Variants in PDE11A observed in about 807,000 individuals in gnomAD.
The protein encoded by PDE11A is phosphodiesterase 11A.
A neutral mutation model predicts 100.5 loss-of-function variants in PDE11A; 100 were observed. The observed-to-expected ratio is 1.00, with a 90% CI of 0.85 to 1.18. The LOEUF is 1.18. Among genes scored for constraint, PDE11A ranks in the 50% most tolerant of loss-of-function variants. The pLI is 0.00. For missense variants in PDE11A, 1,141 were observed against 1,152.6 expected, an observed-to-expected ratio of 0.99 and a Z score of 0.15; for synonymous variants, 381 against 420.8, an observed-to-expected ratio of 0.91 and a Z score of 1.16.
Position 177,711,869 on chromosome 2 carries a change from AC to A in PDE11A, c.2052del (p.Gln686LysfsTer4). ...TCCACCTCGGTCAGAATGTCTTGAA[AC>A]CCAGCAGTCTGGGAAGAAGGGGAAA... ...QLMFAMLTTAGFQDILTEVEI... is the reference protein window; with the variant it reads ...QLMFAMLTTAXFQDILTEVEI... On this transcript the variant is annotated frameshift_variant, in exon 13 of 20. Coordinates refer to ENST00000286063, the MANE Select transcript of PDE11A (RefSeq NM_016953.4). LOFTEE classifies it high-confidence loss of function. 6.2e-7 allele frequency: 1 copy of A among 1,600,232 alleles called. No homozygotes were observed.
chr2:177,666,727 C>T (rs1185038947), intron 18 of PDE11A, among the ~76,000 whole-genome samples: 1 of 56,804 alleles, frequency 1.8e-5, no homozygotes, highest in Non-Finnish European at 4.4e-5. Context: ...AGATCCTTTG[C>T]CTATCTTTTA....
chr2:177,902,129 G>C (rs1343088730), intron 3 of PDE11A, among the ~76,000 whole-genome samples: 2 of 152,168 alleles, frequency 1.3e-5, no homozygotes, highest in African/African-American at 4.8e-5. Flanking sequence ...CATCCAGATG[G>C]TCTGAAGCAA....
chr2:177,667,055 T>C (rs2105483828), intron 18 of PDE11A, among the ~76,000 whole-genome samples: 1 of 152,026 alleles, frequency 6.6e-6, no homozygotes, highest in East Asian at 1.9e-4. Flanking sequence ...GTAGCTGGGG[T>C]TACAGGTGCT....
At chr2:178,043,672 T>C (rs1026321495) in intron 1 of PDE11A, among the ~76,000 whole-genome samples, 7 of 152,320 alleles carry the variant, frequency 4.6e-5, no homozygotes, top group African/African-American at 1.4e-4. Context: ...ACCAGGAGCC[T>C]ACCATATAAC....
intron 6 of PDE11A, among the ~76,000 whole-genome samples, chr2:177,827,154 T>C (rs1003998862): frequency 6.6e-6 from 1 of 152,208 alleles, no homozygotes; most frequent in Non-Finnish European, 1.5e-5. Flanking sequence ...CCCATTATCC[T>C]TAAGTGCTAC....
intron 10 of PDE11A, among the ~76,000 whole-genome samples, chr2:177,729,961 A>G (rs1048413560): frequency 3.3e-5 from 5 of 152,156 alleles, no homozygotes; most frequent in Admixed American, 2.6e-4. Flanking sequence ...TAGCTATAAT[A>G]AATTATTAAG....
chr2:177,729,619 T>C (rs1179550006), intron 10 of PDE11A, among the ~76,000 whole-genome samples: 2 of 152,210 alleles, frequency 1.3e-5, no homozygotes, highest in Admixed American at 6.5e-5. Context: ...ATTTCTAGGT[T>C]GGAAATCATT....
Position 177,816,872 on chromosome 2 carries a change from T to C in PDE11A, c.1694A>G (p.Asp565Gly). ...GLGINNTIMY[D>G]QVKKSWAKQS... ...CTTGGCCCAGGACTTCTTCACTTGA[T>C]CATACATAATTGTGTTGTTGATGCC... is the stretch of plus-strand genomic sequence containing the variant. The change falls in exon 9 of 20, where the codon GAT (aspartate) becomes GGT (glycine). Residue 565 changes from aspartate to glycine, a missense_variant. By Grantham distance (94) the Asp-to-Gly change is moderately conservative. Coordinates refer to ENST00000286063, the MANE Select transcript of PDE11A (RefSeq NM_016953.4). 2 of 1,611,188 alleles carry C rather than the reference T, an allele frequency of 1.2e-6. No individual in the cohort carries two copies. Among genetic ancestry groups the C allele is most frequent in the Non-Finnish European group, 1.7e-6 (2 of 1,177,394 alleles).
intron 9 of PDE11A, among the ~76,000 whole-genome samples, chr2:177,810,395 T>TA (rs1291287582): frequency 1.3e-5 from 2 of 152,218 alleles, no homozygotes; most frequent in African/African-American, 4.8e-5. Flanking sequence ...CATACAGACT[T>TA]ACAATTAATG....
At chr2:177,811,951 G>A (rs2105571047) in intron 9 of PDE11A, among the ~76,000 whole-genome samples, 1 of 152,212 alleles carries the variant, frequency 6.6e-6, no homozygotes, top group Non-Finnish European at 1.5e-5. Flanking sequence ...TAATTTTCCT[G>A]ATAAAACAGG....
At chr2:177,780,250 CTTTTATT>C (rs1274128421) in intron 9 of PDE11A, among the ~76,000 whole-genome samples, 2 of 151,988 alleles carry the variant, frequency 1.3e-5, no homozygotes. Flanking sequence ...TAGCATAATT[CTTTTATT>C]TTTTATTTTT....
chr2:177,770,550 C>CT (rs11374940), intron 9 of PDE11A, among the ~76,000 whole-genome samples: 48,823 of 152,066 alleles, frequency 0.32, 9,207 homozygotes, highest in African/African-American at 0.51. Context: ...CTGCTTCTTT[C>CT]TTTTTCTTCC....
At chr2:177,906,658 G>A (rs2084794358) in intron 2 of PDE11A, among the ~76,000 whole-genome samples, 1 of 152,128 alleles carries the variant, frequency 6.6e-6, no homozygotes, top group Admixed American at 6.5e-5. Context: ...ATTTTCACAT[G>A]TTGCCTTCTG....
At chr2:177,686,306 C>T (rs1205556436) in intron 15 of PDE11A, among the ~76,000 whole-genome samples, 1 of 152,176 alleles carries the variant, frequency 6.6e-6, no homozygotes, top group East Asian at 1.9e-4. Context: ...GTGGGTCACG[C>T]CTGTAATCCC....
intron 19 of PDE11A, among the ~76,000 whole-genome samples, chr2:177,637,283 A>G (rs1295934418): frequency 6.6e-6 from 1 of 152,002 alleles, no homozygotes. Context: ...AGTCTTTCTG[A>G]CTCTAATGCA....
intron 10 of PDE11A, among the ~76,000 whole-genome samples, chr2:177,736,853 C>G (rs1427315726): frequency 6.6e-6 from 1 of 152,160 alleles, no homozygotes; most frequent in Non-Finnish European, 1.5e-5. Flanking sequence ...GCATCCAGCA[C>G]CTCAACCACT....
At chr2:177,757,453 C>T (rs1021411284) in intron 10 of PDE11A, among the ~76,000 whole-genome samples, 3 of 152,158 alleles carry the variant, frequency 2.0e-5, no homozygotes, top group Non-Finnish European at 4.4e-5. Context: ...AGCAAAAATG[C>T]TGTGGTTATC....
chr2:177,998,736 C>T, intron 2 of PDE11A: 1 of 902,532 alleles, frequency 1.1e-6, no homozygotes, highest in East Asian at 2.4e-5. Context: ...GGCCATGATG[C>T]CATAGTTGCC....
intron 19 of PDE11A, among the ~76,000 whole-genome samples, chr2:177,655,742 T>G (rs58101370): frequency 0.029 from 4,453 of 152,224 alleles, 121 homozygotes; most frequent in South Asian, 0.066. Context: ...TTGTACTGAT[T>G]ACTTTTAGAC....
Sources: allele counts gnomAD v4.1 joint callset (sites outside exome capture counted in the v4.1 genomes callset), GRCh38; gene constraint gnomAD v4.1.1; transcripts MANE v1.5; gene names NCBI Gene and HGNC (gene_info 2026-07-23, HGNC 2026-07-21).